Variants in ASAP2 observed in about 807,000 individuals in gnomAD.
ASAP2 encodes arf-GAP with SH3 domain, ANK repeat and PH domain-containing protein 2.
Under a neutral mutation model 131.4 loss-of-function variants are expected in ASAP2, and 45 were observed. The observed-to-expected ratio is 0.34, with a 90% CI of 0.27 to 0.44. The LOEUF is 0.44. Ranked by LOEUF, ASAP2 falls within the 20% of genes least tolerant of loss-of-function variation. The pLI, the probability that ASAP2 is intolerant of heterozygous loss-of-function variation, is 1.00. For synonymous variants in ASAP2, 510 were observed against 503.0 expected (o/e 1.01, Z -0.19); for missense variants, 1,011 against 1,297.0 (o/e 0.78, Z 3.39).
intron 11 of ASAP2, among the ~76,000 whole-genome samples, chr2:9,350,196 CGT>C (rs1322489126): frequency 6.6e-6 from 1 of 151,612 alleles, no homozygotes; most frequent in Non-Finnish European, 1.5e-5. Flanking sequence ...CGCTTGGTGT[CGT>C]GTGTGGGGGA....
At chr2:9,324,882 C>T (rs1670382570) in intron 6 of ASAP2, among the ~76,000 whole-genome samples, 1 of 152,128 alleles carries the variant, frequency 6.6e-6, no homozygotes, top group Non-Finnish European at 1.5e-5. Context: ...CAATCTCTGC[C>T]TTTCGATTGG....
chr2:9,242,608 A>T (rs1664052380), intron 1 of ASAP2, among the ~76,000 whole-genome samples: 1 of 152,210 alleles, frequency 6.6e-6, no homozygotes, highest in Non-Finnish European at 1.5e-5. Context: ...GCTGGGGCTG[A>T]TAGCTGGTCG....
intron 16 of ASAP2, among the ~76,000 whole-genome samples, chr2:9,373,963 C>T (rs748059608): frequency 5.3e-5 from 8 of 152,202 alleles, no homozygotes; most frequent in Non-Finnish European, 1.2e-4. Context: ...GGTGTGTTGA[C>T]GCACATACGT....
chr2:9,261,831 G>A (rs1339314229), intron 1 of ASAP2, among the ~76,000 whole-genome samples: 2 of 152,342 alleles, frequency 1.3e-5, no homozygotes, highest in African/African-American at 2.4e-5. Flanking sequence ...GAGGGGATGG[G>A]TGGACACCCC....
intron 1 of ASAP2, among the ~76,000 whole-genome samples, chr2:9,210,778 G>A (rs73153603): frequency 0.062 from 9,479 of 151,924 alleles, 418 homozygotes; most frequent in African/African-American, 0.13. Context: ...ATGGTCGATG[G>A]TCTAGATCTC....
At chr2:9,369,238 C>T (rs1041646257) in intron 16 of ASAP2, among the ~76,000 whole-genome samples, 12 of 152,152 alleles carry the variant, frequency 7.9e-5, no homozygotes, top group Admixed American at 3.3e-4. Context: ...AGGCTGGACT[C>T]GAACTCCTGA....
intron 1 of ASAP2, among the ~76,000 whole-genome samples, chr2:9,210,042 G>C (rs1000153441): frequency 6.6e-6 from 1 of 152,292 alleles, no homozygotes; most frequent in South Asian, 2.1e-4. Context: ...AAACTCACAG[G>C]TATTGAATTC....
intron 3 of ASAP2, among the ~76,000 whole-genome samples, chr2:9,307,394 A>G (rs1157667042): frequency 2.6e-5 from 4 of 152,226 alleles, no homozygotes. Flanking sequence ...GGTCAGAGCT[A>G]CTTCCTAAAC....
chr2:9,255,232 T>C (rs974549687), intron 1 of ASAP2, among the ~76,000 whole-genome samples: 1 of 152,226 alleles, frequency 6.6e-6, no homozygotes, highest in Admixed American at 6.5e-5. Flanking sequence ...ACCATGTAAG[T>C]TGGTTCTCAG....
chr2:9,368,667 T>C, intron 16 of ASAP2, 148 bp downstream of exon 16: 1 of 680,108 alleles, frequency 1.5e-6, no homozygotes, highest in Non-Finnish European at 2.5e-6. Context: ...TCTTAGTCAC[T>C]TTAACCTTTT....
chr2:9,390,090 G>A (rs796141066), intron 22 of ASAP2, among the ~76,000 whole-genome samples: 3 of 152,256 alleles, frequency 2.0e-5, no homozygotes, highest in African/African-American at 7.2e-5. Flanking sequence ...CTGGTTTCCC[G>A]AAGTCTTGGA....
chr2:9,373,791 C>T (rs1424122895), intron 16 of ASAP2, among the ~76,000 whole-genome samples: 1 of 152,180 alleles, frequency 6.6e-6, no homozygotes, highest in Non-Finnish European at 1.5e-5. Context: ...TGGCTCTTGC[C>T]TGATTCTCAA....
chr2:9,297,410 T>G lies in ASAP2; in HGVS notation c.310T>G (p.Phe104Val). The change falls in exon 3 of 28, where the codon TTT becomes GTT. Residue 104 changes from phenylalanine to valine, a missense_variant. By Grantham distance (50) the Phe-to-Val change is conservative (BLOSUM62 -1). Transcript: ENST00000281419. ...LGSAFLKFSV[F>V]TKELTALFKN... ...AAGTGCGTTCCTGAAGTTCTCAGTG[T>G]TTACAAAGGAGTTGACAGCACTTTT... 1.2e-6 allele frequency: 2 copies of G among 1,614,180 alleles called. No homozygotes were observed. The highest frequency in any genetic ancestry group is 1.7e-6 in the Non-Finnish European group (2 of 1,180,034).
chr2:9,357,369 C>T (rs1672786530), intron 14 of ASAP2, among the ~76,000 whole-genome samples: 1 of 152,046 alleles, frequency 6.6e-6, no homozygotes, highest in East Asian at 1.9e-4. Flanking sequence ...GTCCCAGCTA[C>T]ATAGGAGGCT....
chr2:9,316,174 T>C (rs1669658913), intron 3 of ASAP2, among the ~76,000 whole-genome samples: 1 of 151,766 alleles, frequency 6.6e-6, no homozygotes, highest in East Asian at 1.9e-4. Context: ...AAAAAAAAAT[T>C]AGCCAAGCAT....
At chr2:9,394,491 T>C (rs1461074095) in intron 24 of ASAP2, among the ~76,000 whole-genome samples, 1 of 152,008 alleles carries the variant, frequency 6.6e-6, no homozygotes, top group Non-Finnish European at 1.5e-5. Context: ...ATCTGGATCT[T>C]TATGGTGGGA....
intron 2 of ASAP2, among the ~76,000 whole-genome samples, chr2:9,282,373 G>A (rs926060583): frequency 3.9e-5 from 6 of 152,200 alleles, no homozygotes; most frequent in South Asian, 2.1e-4. Flanking sequence ...CTGAGGAAAC[G>A]TGATACTTTC....
At chr2:9,350,989 A>C (rs763675466) in intron 12 of ASAP2, 94 bp downstream of exon 12, 21 of 1,003,164 alleles carry the variant, frequency 2.1e-5, no homozygotes, top group Non-Finnish European at 2.7e-5. Flanking sequence ...ATTCGGAAGA[A>C]TTGGTTTTTG....
chr2:9,317,122 A>C (rs561393925), intron 3 of ASAP2, among the ~76,000 whole-genome samples: 455 of 7,202 alleles, frequency 0.063, 1 homozygote, highest in Non-Finnish European at 0.21. Context: ...ACGCAATCAC[A>C]ACCACACAAC....
Sources: allele counts gnomAD v4.1 joint callset (sites outside exome capture counted in the v4.1 genomes callset), GRCh38; gene constraint gnomAD v4.1.1; transcripts MANE v1.5; gene names NCBI Gene and HGNC (gene_info 2026-07-23, HGNC 2026-07-21).